The following CLVS1 variants were observed in gnomAD, a reference collection of about 807,000 sequenced individuals.
The protein encoded by CLVS1 is clavesin 1.
CLVS1 carries 10 observed loss-of-function variants against 33.1 expected under a neutral mutation model. The observed-to-expected ratio is 0.30, with a 90% CI of 0.19 to 0.51. The LOEUF (loss-of-function observed/expected upper bound fraction) is 0.51. Among genes scored for constraint, CLVS1 ranks in the 20% least tolerant of loss-of-function variants. The probability of loss-of-function intolerance (pLI) is 0.97; values close to 1 mark genes in which losing one functional copy is unlikely to be tolerated. For synonymous variants in CLVS1, 163 were observed against 166.1 expected, an observed-to-expected ratio of 0.98 and a Z score of 0.14; for missense variants, 343 against 433.4, an observed-to-expected ratio of 0.79 and a Z score of 1.85.
intron 2 of CLVS1, among the ~76,000 whole-genome samples, chr8:61,197,597 G>C (rs537083064): frequency 3.5e-4 from 54 of 152,222 alleles, no homozygotes; most frequent in African/African-American, 1.3e-3. Context: ...TTGGCTCACT[G>C]CAACCTCCAC....
At chr8:61,058,852 A>G (rs1316602844) in intron 1 of CLVS1, among the ~76,000 whole-genome samples, 1 of 151,946 alleles carries the variant, frequency 6.6e-6, no homozygotes, top group Non-Finnish European at 1.5e-5. Context: ...AGATTCATCC[A>G]TGTTCTTGGT....
At chr8:61,306,559 A>G (rs2129595144) in intron 2 of CLVS1, among the ~76,000 whole-genome samples, 1 of 152,270 alleles carries the variant, frequency 6.6e-6, no homozygotes, top group East Asian at 1.9e-4. Context: ...GATGATGAGC[A>G]CTCAGGTTAA....
the CLVS1 span, among the ~76,000 whole-genome samples, chr8:60,986,196 T>A: frequency 6.6e-6 from 1 of 152,372 alleles, no homozygotes. Context: ...AGTGTGCAGA[T>A]AGACTTGCCA....
intron 2 of CLVS1, among the ~76,000 whole-genome samples, chr8:61,160,326 T>C (rs536698820): frequency 1.3e-5 from 2 of 152,354 alleles, no homozygotes; most frequent in African/African-American, 4.8e-5. Flanking sequence ...TTTGCTTGTT[T>C]AGCTTTTCTT....
chr8:61,165,037 A>G (rs1806828948), intron 2 of CLVS1, among the ~76,000 whole-genome samples: 1 of 152,204 alleles, frequency 6.6e-6, no homozygotes, highest in Non-Finnish European at 1.5e-5. Context: ...TAGCTCTATT[A>G]GAAGCCGTGG....
rs191782476 is a variant in CLVS1 at position 61,090,934 on chromosome 8, C to T, written c.-243+33704C>T. The T allele has an allele frequency of 2.3e-4, 118 of 518,356 alleles. 1 individual carries two copies. The highest frequency in any genetic ancestry group is 1.9e-3 in the Middle Eastern group (6 of 3,142). 32.1% of individuals were successfully genotyped at this position (518,356 alleles called of 1,614,324 possible). On this transcript the variant is annotated intron_variant, in intron 1 of 2. Coordinates refer to the CLVS1 transcript ENST00000522621. ...GGGGGACCTTGAAATGGGGAATGTG[C>T]GTGAATCTTTAAGGATCAGAGGGTA...
In CLVS1 at chr8:61,467,697, T is replaced by TG. The variant is rs35573683; in HGVS notation, c.977+9159dup. ...TGCCATGGCCAGCAGGGGGAGAAAG[T>TG]GGGGATTTTAGGCTGTCCTCTCATT... is the stretch of plus-strand genomic sequence containing the variant. On this transcript the variant is annotated intron_variant, in intron 5 of 5. Coordinates refer to ENST00000325897, the MANE Select transcript of CLVS1 (RefSeq NM_173519.3). Among the ~76,000 whole-genome samples the TG allele has an allele frequency of 8.3e-4, 127 of 152,186 alleles. 1 individual carries two copies. Among genetic ancestry groups the TG allele is most frequent in the Non-Finnish European group, 1.4e-3 (92 of 68,002 alleles).
chr8:61,399,456 T>C (rs1252412135), intron 3 of CLVS1, among the ~76,000 whole-genome samples: 1 of 152,192 alleles, frequency 6.6e-6, no homozygotes, highest in African/African-American at 2.4e-5. Context: ...GTCAGATGGA[T>C]AGATTACAAA....
chr8:61,036,124 G>A, the CLVS1 span, among the ~76,000 whole-genome samples: 175 of 152,298 alleles, frequency 1.1e-3, 7 homozygotes, highest in Non-Finnish European at 1.0e-3. Flanking sequence ...GGCATTGTAG[G>A]TTGTCTTACC....
chr8:61,194,897 A>G (rs1047712712), intron 2 of CLVS1, among the ~76,000 whole-genome samples: 14 of 150,498 alleles, frequency 9.3e-5, no homozygotes, highest in African/African-American at 3.2e-4. Flanking sequence ...TTCTTTGACC[A>G]CAACACCAGT....
intron 2 of CLVS1, among the ~76,000 whole-genome samples, chr8:61,360,843 G>T (rs1479892831): frequency 6.6e-6 from 1 of 151,984 alleles, no homozygotes; most frequent in Admixed American, 6.6e-5. Flanking sequence ...TTCTCTAAGA[G>T]ATGTTGTATT....
chr8:60,972,941 G>A, the CLVS1 span, among the ~76,000 whole-genome samples: 2 of 152,232 alleles, frequency 1.3e-5, no homozygotes, highest in Non-Finnish European at 2.9e-5. Context: ...CAGTGGACAA[G>A]ATGAACCCAT....
chr8:61,066,961 G>C (rs888736447), intron 1 of CLVS1, among the ~76,000 whole-genome samples: 8 of 152,112 alleles, frequency 5.3e-5, no homozygotes, highest in African/African-American at 1.9e-4. Context: ...CATGACTGCA[G>C]TCTAGTCATC....
chr8:61,329,179 G>A (rs552968860), intron 2 of CLVS1, among the ~76,000 whole-genome samples: 2 of 151,446 alleles, frequency 1.3e-5, no homozygotes, highest in African/African-American at 4.9e-5. Flanking sequence ...TTAGAGAGTA[G>A]GCAGCATCTT....
chr8:61,309,118 AT>A (rs1220554302), intron 2 of CLVS1, among the ~76,000 whole-genome samples: 1 of 152,190 alleles, frequency 6.6e-6, no homozygotes, highest in Admixed American at 6.5e-5. Flanking sequence ...ATGCGTGTGC[AT>A]TAGAAGTTGG....
At chr8:61,129,550 T>G (rs1321153861) in intron 1 of CLVS1, among the ~76,000 whole-genome samples, 1 of 152,242 alleles carries the variant, frequency 6.6e-6, no homozygotes, top group East Asian at 1.9e-4. Context: ...AACAGAGATT[T>G]ATTTATTTAT....
At chr8:61,178,100 TAA>T (rs1323387982) in intron 2 of CLVS1, among the ~76,000 whole-genome samples, 1 of 152,060 alleles carries the variant, frequency 6.6e-6, no homozygotes, top group African/African-American at 2.4e-5. Context: ...AGAACCTTGA[TAA>T]AAGGTTACAG....
At chr8:61,039,252 T>C in the CLVS1 span, among the ~76,000 whole-genome samples, 3 of 152,280 alleles carry the variant, frequency 2.0e-5, no homozygotes, top group African/African-American at 7.2e-5. Flanking sequence ...AGACGCATTC[T>C]AGTATCTTCT....
intron 5 of CLVS1, among the ~76,000 whole-genome samples, chr8:61,485,367 G>A (rs1218723207): frequency 6.6e-6 from 1 of 152,216 alleles, no homozygotes; most frequent in East Asian, 1.9e-4. Flanking sequence ...CTGGCCATCA[G>A]AGAAATGCAA....
Sources: allele counts gnomAD v4.1 joint callset (sites outside exome capture counted in the v4.1 genomes callset), GRCh38; gene constraint gnomAD v4.1.1; transcripts MANE v1.5; gene names NCBI Gene and HGNC (gene_info 2026-07-23, HGNC 2026-07-21).